The following PHACTR1 variants were observed in gnomAD, a reference collection of about 807,000 sequenced individuals.
The protein encoded by PHACTR1 is phosphatase and actin regulator 1, also known as RPEL repeat containing 1.
A neutral mutation model predicts 69.2 loss-of-function variants in PHACTR1; 16 were observed. The ratio of observed to expected loss-of-function variants is 0.23; its 90% CI spans 0.16 to 0.35. The LOEUF is 0.35. PHACTR1 is among the 10% of genes least tolerant of loss of function. The pLI, the probability that PHACTR1 is intolerant of heterozygous loss-of-function variation, is 1.00. For synonymous variants in PHACTR1, 312 were observed against 284.5 expected, an observed-to-expected ratio of 1.10 and a Z score of -0.97; for missense variants, 510 against 734.7, an observed-to-expected ratio of 0.69 and a Z score of 3.54.
chr6:12,996,182 A>G (rs1207882327), intron 4 of PHACTR1, among the ~76,000 whole-genome samples: 1 of 152,172 alleles, frequency 6.6e-6, no homozygotes, highest in Non-Finnish European at 1.5e-5. Flanking sequence ...ATACAGCAGC[A>G]CTATCCCAAA....
At chr6:13,226,330 G>A (rs139001394) in intron 8 of PHACTR1, among the ~76,000 whole-genome samples, 41 of 152,292 alleles carry the variant, frequency 2.7e-4, no homozygotes, top group East Asian at 2.5e-3. Context: ...AATTTAAAGC[G>A]TAATTGAAAG....
At chr6:12,735,496 A>G (rs188283085) in intron 3 of PHACTR1, among the ~76,000 whole-genome samples, 1 of 152,356 alleles carries the variant, frequency 6.6e-6, no homozygotes, top group East Asian at 1.9e-4. Flanking sequence ...CAAAAGAAAG[A>G]GGGAGCATAG....
At chr6:13,170,706 T>C (rs533075561) in intron 6 of PHACTR1, among the ~76,000 whole-genome samples, 1 of 152,350 alleles carries the variant, frequency 6.6e-6, no homozygotes, top group East Asian at 1.9e-4. Context: ...AGCCAGGGTT[T>C]CCAGTTCTGG....
rs371748587 is a variant in PHACTR1 at position 12,749,824 on chromosome 6, C to T, written c.250+34C>T. On this transcript the variant is annotated intron_variant, in intron 4 of 14. Transcript: ENST00000332995. ...GCCCCTGGCGCCGCGCCCCCGCCCCCGCCCTGCTCCCTCCCTCCCCGGCTG... is the reference window on the plus strand; with the variant it reads ...GCCCCTGGCGCCGCGCCCCCGCCCCTGCCCTGCTCCCTCCCTCCCCGGCTG... 1,125 of 1,519,366 alleles carry T rather than the reference C, an allele frequency of 7.4e-4. 7 individuals carry two copies. In the African/African-American group the frequency reaches 0.014, roughly 19 times the overall value. 94.1% of individuals were successfully genotyped at this position (1,519,366 alleles called of 1,614,324 possible).
At chr6:13,052,500 C>T (rs1181268697) in intron 4 of PHACTR1, among the ~76,000 whole-genome samples, 1 of 152,150 alleles carries the variant, frequency 6.6e-6, no homozygotes, top group African/African-American at 2.4e-5. Flanking sequence ...CTGATTATTC[C>T]TTTCTTAAAA....
At chr6:13,167,121 TA>T (rs1362740499) in intron 6 of PHACTR1, among the ~76,000 whole-genome samples, 1 of 152,192 alleles carries the variant, frequency 6.6e-6, no homozygotes, top group Non-Finnish European at 1.5e-5. Context: ...TGTGAACTCT[TA>T]AAACCCCTGC....
At chr6:13,124,925 A>T (rs1583465292) in intron 5 of PHACTR1, among the ~76,000 whole-genome samples, 1 of 152,340 alleles carries the variant, frequency 6.6e-6, no homozygotes, top group East Asian at 1.9e-4. Flanking sequence ...GAGGACAAAA[A>T]TGGCCAGTCC....
In PHACTR1 at chr6:13,173,526, A is replaced by T. The variant is rs563979309; in HGVS notation, c.497-8993A>T. Reference sequence around the variant, plus strand: ...GAAACATTTCCAACTTCTTAGGCTTAGAGCTTTTAATCCATCGAGGAAATC... The same window carrying T: ...GAAACATTTCCAACTTCTTAGGCTTTGAGCTTTTAATCCATCGAGGAAATC... On this transcript the variant is annotated intron_variant, in intron 6 of 14. Coordinates refer to ENST00000332995, the MANE Select transcript of PHACTR1 (RefSeq NM_030948.6). Among the ~76,000 whole-genome samples the T allele has an allele frequency of 7.2e-5, 11 of 152,342 alleles. No individual in the cohort carries two copies. In the East Asian group the frequency reaches 2.1e-3, roughly 29 times the overall value.
In PHACTR1 at chr6:13,237,865, C is replaced by G. The variant is rs115137538; in HGVS notation, c.1391+7672C>G. Among the ~76,000 whole-genome samples the G allele has an allele frequency of 5.4e-3, 816 of 152,234 alleles. 13 individuals carry two copies. Among genetic ancestry groups the G allele is most frequent in the African/African-American group, 0.019 (782 of 41,530 alleles). On this transcript the variant is annotated intron_variant, in intron 10 of 14. Coordinates refer to ENST00000332995, the MANE Select transcript of PHACTR1 (RefSeq NM_030948.6). ...ACTGAATACTGTGGCAATTGTAACACAATGGTATTTGTGCATGTAAACATA... is the reference window on the plus strand; with the variant it reads ...ACTGAATACTGTGGCAATTGTAACAGAATGGTATTTGTGCATGTAAACATA...
chr6:13,100,365 C>T (rs1056988713), intron 5 of PHACTR1, among the ~76,000 whole-genome samples: 5 of 152,046 alleles, frequency 3.3e-5, no homozygotes, highest in African/African-American at 1.2e-4. Context: ...TGTGTATAAA[C>T]CCCAACCGTT....
At chr6:13,181,894 A>G (rs1012358891) in intron 6 of PHACTR1, among the ~76,000 whole-genome samples, 3 of 152,164 alleles carry the variant, frequency 2.0e-5, no homozygotes, top group African/African-American at 7.2e-5. Context: ...AGTTTTTAGA[A>G]ATTATGAGAA....
chr6:13,181,158 T>G (rs754266459), intron 6 of PHACTR1, among the ~76,000 whole-genome samples: 1 of 151,946 alleles, frequency 6.6e-6, no homozygotes, highest in Non-Finnish European at 1.5e-5. Context: ...GGTTTGTTGA[T>G]TATTCTGTTA....
intron 10 of PHACTR1, among the ~76,000 whole-genome samples, chr6:13,258,424 G>T (rs181871839): frequency 1.8e-4 from 27 of 151,974 alleles, no homozygotes; most frequent in African/African-American, 5.5e-4. Flanking sequence ...GGTTAAGAAT[G>T]TGGCCCAGGT....
intron 4 of PHACTR1, among the ~76,000 whole-genome samples, chr6:12,793,530 A>G (rs933492781): frequency 2.0e-5 from 3 of 152,220 alleles, no homozygotes; most frequent in African/African-American, 7.2e-5. Flanking sequence ...ATCACAGAGA[A>G]AATAAAATTT....
At chr6:12,852,126 C>A (rs1035750226) in intron 4 of PHACTR1, among the ~76,000 whole-genome samples, 1 of 152,154 alleles carries the variant, frequency 6.6e-6, no homozygotes, top group Non-Finnish European at 1.5e-5. Context: ...TGAGCCACCA[C>A]GCTAGGCCAA....
chr6:13,185,065 T>C (rs1265123324), intron 7 of PHACTR1: 2 of 1,247,960 alleles, frequency 1.6e-6, no homozygotes, highest in Admixed American at 2.4e-5. Flanking sequence ...GATTTTCTTT[T>C]TCTCTTGTTC....
chr6:13,266,615 G>C (rs1345321596), intron 10 of PHACTR1: 2 of 152,718 alleles, frequency 1.3e-5, no homozygotes, highest in Non-Finnish European at 2.9e-5. Context: ...ATCTGCCTCT[G>C]GTGAGGCCTC....
chr6:13,193,945 T>C (rs1223560), intron 7 of PHACTR1, among the ~76,000 whole-genome samples: 6,585 of 152,246 alleles, frequency 0.043, 441 homozygotes, highest in African/African-American at 0.15. Context: ...CATTCTTCTC[T>C]TCCGGTCTCC....
At chr6:13,008,810 T>C (rs571746342) in intron 4 of PHACTR1, among the ~76,000 whole-genome samples, 1 of 152,260 alleles carries the variant, frequency 6.6e-6, no homozygotes. Flanking sequence ...AAAAAATAGA[T>C]GCTATTCTTG....
Sources: allele counts gnomAD v4.1 joint callset (sites outside exome capture counted in the v4.1 genomes callset), GRCh38; gene constraint gnomAD v4.1.1; transcripts MANE v1.5; gene names NCBI Gene and HGNC (gene_info 2026-07-23, HGNC 2026-07-21).